CHEK1: variants seen among roughly 807,000 people sequenced by gnomAD.
CHEK1 encodes serine/threonine-protein kinase Chk1.
A neutral mutation model predicts 60.2 loss-of-function variants in CHEK1; 32 were observed. The observed-to-expected ratio is 0.53, with a 90% CI of 0.40 to 0.71. The LOEUF is 0.71. Ranked by LOEUF, CHEK1 falls within the 30% of genes least tolerant of loss-of-function variation. The pLI is 0.00. For synonymous variants in CHEK1, 179 were observed against 187.2 expected (o/e 0.96, Z 0.36); for missense variants, 399 against 564.6 (o/e 0.71, Z 2.97).
At chr11:125,649,608 T>G (rs187180181) in intron 11 of CHEK1, 1 of 152,308 alleles carries the variant, frequency 6.6e-6, no homozygotes, top group Non-Finnish European at 1.5e-5. Context: ...GCACCTGTAA[T>G]GCCAGCTATT....
chr11:125,667,508 G>T (rs1369381426), intron 13 of CHEK1, among the ~76,000 whole-genome samples: 1 of 151,928 alleles, frequency 6.6e-6, no homozygotes, highest in Non-Finnish European at 1.5e-5. Context: ...GATTCTTTAG[G>T]GTTTTTCATG....
rs538400468 is a variant in CHEK1, at chr11:125,673,040, G to C, written c.*28-2888G>C. 3.1e-3 allele frequency among the ~76,000 whole-genome samples: 477 copies of C among 152,020 alleles called. 1 individual carries two copies. The highest frequency in any genetic ancestry group is 5.3e-3 in the Non-Finnish European group (360 of 67,976). ...TTTCCTTACAGCCTTCCCAGAGTCT[G>C]CCTATCCTCCTCACCTTGGCCCCTC... On this transcript the variant is annotated intron_variant, in intron 13 of 13. Transcript: ENST00000428830.
chr11:125,655,884 C>A lies in CHEK1; in HGVS notation c.*564C>A. The stretch of plus-strand genomic sequence containing the variant: ...GAATTATAATGATTAATTAAAATTG[C>A]AAGTAGGTGTTTTTTCCAGTGTAGT... On this transcript the variant is annotated 3_prime_UTR_variant, in exon 13 of 13. Coordinates refer to ENST00000438015, the MANE Select transcript of CHEK1 (RefSeq NM_001114122.3). 4.8e-6 allele frequency: 1 copy of A among 210,422 alleles called. No homozygotes were observed. Among genetic ancestry groups the A allele is most frequent in the Non-Finnish European group, 9.6e-6 (1 of 103,648 alleles). The allele number at this position is 210,422 out of a possible 1,614,324, so 13.0% of individuals were successfully genotyped here.
In CHEK1 at chr11:125,627,656, A is replaced by T; in HGVS notation, c.115A>T (p.Ile39Phe). 4 of 1,613,926 alleles carry T rather than the reference A, an allele frequency of 2.5e-6. No individual in the cohort carries two copies. Among genetic ancestry groups the T allele is most frequent in the Non-Finnish European group, 2.5e-6 (3 of 1,179,932 alleles). ...AACTGAAGAAGCAGTCGCAGTGAAG[A>T]TTGTAGATATGAAGCGTGCCGTAGA... Reference protein sequence around the residue: ...RVTEEAVAVKIVDMKRAVDCP... With the variant: ...RVTEEAVAVKFVDMKRAVDCP... Residue 39 changes from isoleucine to phenylalanine, a missense_variant, in exon 3 of 13, where the codon ATT (isoleucine) becomes TTT (phenylalanine). Ile to Phe is a conservative substitution (Grantham distance 21). Transcript: ENST00000438015.
downstream of CHEK1, among the ~76,000 whole-genome samples, chr11:125,657,944 T>G (rs1941949685): frequency 6.6e-6 from 1 of 152,242 alleles, no homozygotes; most frequent in Non-Finnish European, 1.5e-5. Flanking sequence ...GTACAGTTAC[T>G]GGAAAAACAG....
chr11:125,633,496 T>A, intron 6 of CHEK1, 145 bp downstream of exon 6: 1 of 618,326 alleles, frequency 1.6e-6, no homozygotes, highest in Non-Finnish European at 2.5e-6. Context: ...TTGGCCAGAC[T>A]GGAGTACAGT....
In CHEK1 at chr11:125,626,836, G is replaced by A. The variant is rs1281701112; in HGVS notation, c.65+3G>A. The A allele has an allele frequency of 1.2e-5, 19 of 1,614,016 alleles. No homozygotes were observed. Among genetic ancestry groups the A allele is most frequent in the Non-Finnish European group, 1.6e-5 (19 of 1,180,008 alleles). ...CTGGGAGAAGGTGCCTATGGAGAGT[G>A]AGTTCTTTTAAGCTTGCCTTCGTTT... On this transcript the variant is annotated splice_donor_region_variant and intron_variant, in intron 2 of 12. Transcript: ENST00000438015.
intron 7 of CHEK1, 83 bp from the exon 8 acceptor site, chr11:125,637,366 A>T (rs1457935747): frequency 2.0e-6 from 2 of 996,132 alleles, no homozygotes; most frequent in East Asian, 2.6e-5. Flanking sequence ...AAGTAGGCTA[A>T]CAGAAAATGT....
At chr11:125,650,337 T>C (rs936370729) in intron 11 of CHEK1, among the ~76,000 whole-genome samples, 19 of 152,162 alleles carry the variant, frequency 1.2e-4, no homozygotes, top group African/African-American at 4.3e-4. Flanking sequence ...TGCTTTGTAA[T>C]TTTTTGTTGA....
At chr11:125,648,393 C>T (rs1181272780) in intron 11 of CHEK1, among the ~76,000 whole-genome samples, 2 of 151,898 alleles carry the variant, frequency 1.3e-5, no homozygotes, top group Non-Finnish European at 2.9e-5. Flanking sequence ...CCTGCCTGGC[C>T]CACATAGTGA....
rs752655292 is a variant in CHEK1 at position 125,631,585 on chromosome 11, A to G, written c.425-1578A>G. On this transcript the variant is annotated intron_variant, in intron 5 of 12. Coordinates refer to ENST00000438015, the MANE Select transcript of CHEK1 (RefSeq NM_001114122.3). ...TATTTAACTACTGAAAAGATAATCAACTGGGTGCAGTAGCTCATGCCTGTA... is the reference window on the plus strand; with the variant it reads ...TATTTAACTACTGAAAAGATAATCAGCTGGGTGCAGTAGCTCATGCCTGTA... Among the ~76,000 whole-genome samples, 3 of 151,776 alleles carry G rather than the reference A, an allele frequency of 2.0e-5. No homozygotes were observed. The South Asian group carries it at 6.2e-4, about 32-fold the overall frequency.
chr11:125,676,418 C>G (rs377073120), downstream of CHEK1: 7 of 1,613,974 alleles, frequency 4.3e-6, no homozygotes, highest in African/African-American at 8.0e-5. Flanking sequence ...GGTTCCCTCT[C>G]CACGAAGACA....
At chr11:125,627,951 A>G (rs972790236) in intron 3 of CHEK1, 121 bp downstream of exon 3, 1 of 728,520 alleles carries the variant, frequency 1.4e-6, no homozygotes, top group South Asian at 2.2e-5. Flanking sequence ...AAATTGGAAT[A>G]CATTATCTTT....
At chr11:125,679,212 C>CT (rs1337479067), downstream of CHEK1, among the ~76,000 whole-genome samples, 2 of 74,418 alleles carry the variant, frequency 2.7e-5, no homozygotes, top group Admixed American at 1.6e-4. Context: ...TAATCCGTCT[C>CT]TTTCTTTTTT....
At chr11:125,678,009 G>A, downstream of CHEK1, 1 of 1,614,064 alleles carries the variant, frequency 6.2e-7, no homozygotes, top group South Asian at 1.1e-5. Flanking sequence ...TTCTCCTGAA[G>A]GCTGCTCACC....
downstream of CHEK1, among the ~76,000 whole-genome samples, chr11:125,678,976 TATTATA>T (rs1055513302): frequency 3.8e-4 from 7 of 18,496 alleles, no homozygotes; most frequent in South Asian, 3.6e-3. Context: ...AGTCTAGGCA[TATTATA>T]TATATATATA....
intron 5 of CHEK1, among the ~76,000 whole-genome samples, chr11:125,630,386 C>T (rs2135981554): frequency 6.6e-6 from 1 of 151,766 alleles, no homozygotes; most frequent in African/African-American, 2.4e-5. Flanking sequence ...TCTCGGCTCA[C>T]TGTAACCTCT....
At chr11:125,667,281 G>T (rs1282660778) in intron 13 of CHEK1, among the ~76,000 whole-genome samples, 1 of 152,054 alleles carries the variant, frequency 6.6e-6, no homozygotes, top group African/African-American at 2.4e-5. Flanking sequence ...CTCGCATTAG[G>T]TCACTTAGTA....
intron 8 of CHEK1, among the ~76,000 whole-genome samples, chr11:125,638,474 AT>A (rs1941155869): frequency 6.6e-6 from 1 of 152,174 alleles, no homozygotes; most frequent in Admixed American, 6.5e-5. Context: ...TCAGAGAGTT[AT>A]TAATGTTTAA....
Sources: allele counts gnomAD v4.1 joint callset (sites outside exome capture counted in the v4.1 genomes callset), GRCh38; gene constraint gnomAD v4.1.1; transcripts MANE v1.5; gene names NCBI Gene and HGNC (gene_info 2026-07-23, HGNC 2026-07-21).